Variants in RBMX2 observed in about 807,000 individuals in gnomAD.
RBMX2 encodes the protein RNA-binding motif protein, X-linked 2.
For synonymous variants in RBMX2, 77 were observed against 94.3 expected, an observed-to-expected ratio of 0.82 and a Z score of 1.07; for missense variants, 191 against 256.0, an observed-to-expected ratio of 0.75 and a Z score of 1.73.
chrX:130,404,176 A>AG (rs2034471928), intron 3 of RBMX2: 1 of 265,679 alleles, frequency 3.8e-6, no homozygotes, highest in Admixed American at 5.4e-5. Flanking sequence ...GGGGTAACCC[A>AG]TGGTCACAGG....
Position 130,411,514 on chromosome X carries a change from A to G in RBMX2, c.470A>G (p.Lys157Arg), listed in dbSNP as rs752078047. 17 of 1,191,526 alleles carry G rather than the reference A, an allele frequency of 1.4e-5. No individual in the cohort carries two copies. In the African/African-American group the frequency reaches 2.0e-4, roughly 14 times the overall value. The change falls in exon 5 of 6, where the codon AAG becomes AGG. Residue 157 changes from lysine to arginine, a missense_variant. Lys to Arg is a conservative substitution (Grantham distance 26). Transcript: ENST00000305536. ...ESSEDEKPTK[K>R]HKKDKKEKKK... ...TCTGAAGATGAAAAACCAACAAAAA[A>G]GCACAAAAAAGGTAAAGCATTAAGA...
intron 2 of RBMX2, 73 bp downstream of exon 2, chrX:130,402,443 C>T (rs1382937100): frequency 1.7e-6 from 2 of 1,149,604 alleles, no homozygotes; most frequent in Non-Finnish European, 2.3e-6. Flanking sequence ...TCGGCATTTT[C>T]ACCCTTCACT....
intron 1 of RBMX2, 26 bp from the exon 2 acceptor site, chrX:130,402,226 CCCT>C: frequency 6.0e-6 from 5 of 835,545 alleles, no homozygotes; most frequent in Non-Finnish European, 6.9e-6. Context: ...TTTCTGCCTA[CCCT>C]CCCCACCCCC....
rs996520324 is a variant in RBMX2, at chrX:130,413,553, A to T, written c.*705A>T. On this transcript the variant is annotated 3_prime_UTR_variant, in exon 6 of 6. Coordinates refer to ENST00000305536, the MANE Select transcript of RBMX2 (RefSeq NM_016024.4). ...TGAAACCCTGTAGCCATTAAACAAG[A>T]GCTCCCCGTTTCCTCCCTCCTCCCT... 2.7e-5 allele frequency among the ~76,000 whole-genome samples: 3 copies of T among 110,056 alleles called. No individual in the cohort carries two copies. The Admixed American group carries it at 2.9e-4, about 11-fold the overall frequency.
rs2034500112 is a variant in RBMX2 at position 130,409,171 on chromosome X, T to C, written c.174-86T>C. 6 of 859,373 alleles carry C rather than the reference T, an allele frequency of 7.0e-6. No individual in the cohort carries two copies. The South Asian group carries it at 1.8e-4, about 26-fold the overall frequency. 70.8% of individuals were successfully genotyped at this position (859,373 alleles called of 1,213,427 possible). A position where few individuals can be genotyped will look rare whatever the true frequency, so the allele number is the denominator to read the frequency against. On this transcript the variant is annotated intron_variant, in intron 3 of 5. Coordinates refer to ENST00000305536, the MANE Select transcript of RBMX2 (RefSeq NM_016024.4). ...CTAGATGCATCTCTTGTATACACTA[T>C]ATTATTTGAATTTTGTTTTATTACC...
At position 130,412,517 on chromosome X, in the gene RBMX2, C is replaced by T. The variant is rs1377634105; in HGVS notation, c.638C>T (p.Ala213Val). 8.3e-7 allele frequency: 1 copy of T among 1,206,739 alleles called. No homozygotes were observed. Among genetic ancestry groups the T allele is most frequent in the Non-Finnish European group, 1.1e-6 (1 of 894,383 alleles). Residue 213 changes from alanine (A) to valine (V), a missense_variant, in exon 6 of 6, where the codon GCT (alanine) becomes GTT (valine). By Grantham distance (64) the Ala-to-Val change is moderately conservative. Transcript: ENST00000305536. ...KKHSSKNSERAQKSEPREGQK... is the reference protein window; with the variant it reads ...KKHSSKNSERVQKSEPREGQK... ...CACAGCAGCAAGAACTCAGAGAGAGCTCAGAAGTCAGAGCCCAGGGAGGGG... is the reference window on the plus strand; with the variant it reads ...CACAGCAGCAAGAACTCAGAGAGAGTTCAGAAGTCAGAGCCCAGGGAGGGG...
At chrX:130,402,062 G>A (rs748110146) in intron 1 of RBMX2, 25 bp downstream of exon 1, 15 of 1,195,489 alleles carry the variant, frequency 1.3e-5, no homozygotes, top group African/African-American at 3.5e-5. Flanking sequence ...TCCTTTTGAG[G>A]AAGGAGCAGC....
At chrX:130,412,265 C>G in intron 5 of RBMX2, 96 bp from the exon 6 acceptor site, 1 of 1,015,013 alleles carries the variant, frequency 9.9e-7, no homozygotes, top group Non-Finnish European at 1.3e-6. Context: ...GTTGATGTAA[C>G]GTATTCAGAA....
chrX:130,402,114 G>A, intron 1 of RBMX2, 77 bp downstream of exon 1: 1 of 1,172,576 alleles, frequency 8.5e-7, no homozygotes, highest in Non-Finnish European at 1.1e-6. Flanking sequence ...GTGGTAGAGC[G>A]TCTGCGGGGC....
At position 130,401,994 on chromosome X, in the gene RBMX2, G is replaced by C; in HGVS notation, c.-39G>C. 1.7e-6 allele frequency: 2 copies of C among 1,181,975 alleles called. No homozygotes were observed. The highest frequency in any genetic ancestry group is 3.1e-5 in the East Asian group (1 of 32,717). On this transcript the variant is annotated 5_prime_UTR_variant, in exon 1 of 6. Transcript: ENST00000305536. ...GCGCATGCGCTGCGCTGCCTTTCCC[G>C]GGCGCTGATTCCTGAGTGCTGAGCG...
At chrX:130,409,153 C>T in intron 3 of RBMX2, 104 bp from the exon 4 acceptor site, 1 of 638,855 alleles carries the variant, frequency 1.6e-6, no homozygotes, top group Middle Eastern at 5.8e-4. Context: ...GTTCTAGATG[C>T]ATCTCTTGTA....
chrX:130,403,868 A>G lies in RBMX2; in HGVS notation c.173+15A>G, dbSNP rs370510901. 42 of 1,200,340 alleles carry G rather than the reference A, an allele frequency of 3.5e-5. No homozygotes were observed. The African/African-American group carries it at 6.5e-4, about 18-fold the overall frequency. On this transcript the variant is annotated intron_variant, in intron 3 of 5. Coordinates refer to ENST00000305536, the MANE Select transcript of RBMX2 (RefSeq NM_016024.4). ...GTGTTCTCACAGTAAGTGTCCTTTC[A>G]TTTCCTGCCTCCTGAGTCGACAGAG...
In RBMX2 at chrX:130,412,492, C is replaced by T; in HGVS notation, c.613C>T (p.His205Tyr). 1 of 1,207,068 alleles carries T rather than the reference C, an allele frequency of 8.3e-7. No homozygotes were observed. Among genetic ancestry groups the T allele is most frequent in the East Asian group, 3.0e-5 (1 of 33,680 alleles). Residue 205 changes from histidine (H) to tyrosine (Y), a missense_variant, in exon 6 of 6, where the codon CAC (histidine) becomes TAC (tyrosine). By Grantham distance (83) the His-to-Tyr change is moderately conservative (BLOSUM62 2). Transcript: ENST00000305536. ...AAAGGATGACACTGGCCCTAAGAAG[C>T]ACAGCAGCAAGAACTCAGAGAGAGC... ...KEKDDTGPKK[H>Y]SSKNSERAQK... is the part of the protein sequence containing the mutation.
intron 1 of RBMX2, 30 bp from the exon 2 acceptor site, chrX:130,402,225 A>AGCCAC: frequency 1.3e-5 from 13 of 984,756 alleles, no homozygotes; most frequent in African/African-American, 2.0e-5. Flanking sequence ...TTTTCTGCCT[A>AGCCAC]CCCTCCCCAC....
In RBMX2 at chrX:130,402,247, C is replaced by T. The variant is rs762018084; in HGVS notation, c.6-8C>T. 8.4e-7 allele frequency: 1 copy of T among 1,196,116 alleles called. No individual in the cohort carries two copies. Among genetic ancestry groups the T allele is most frequent in the Non-Finnish European group, 1.1e-6 (1 of 889,036 alleles). On this transcript the variant is annotated splice_region_variant and splice_polypyrimidine_tract_variant and intron_variant, in intron 1 of 5. Transcript: ENST00000305536. ...CCTACCCTCCCCACCCCCCCCGCCA[C>T]CGTGAAGCCCTTTAACTAAGGTGAA... is the stretch of plus-strand genomic sequence containing the variant.
At chrX:130,402,225 A>ACCCGCCCC in intron 1 of RBMX2, 30 bp from the exon 2 acceptor site, 3 of 984,785 alleles carry the variant, frequency 3.0e-6, no homozygotes, top group African/African-American at 2.0e-5. Context: ...TTTTCTGCCT[A>ACCCGCCCC]CCCTCCCCAC....
chrX:130,407,950 G>A (rs1356893247), intron 3 of RBMX2, among the ~76,000 whole-genome samples: 1 of 110,853 alleles, frequency 9.0e-6, no homozygotes, highest in Non-Finnish European at 1.9e-5. Flanking sequence ...GTGAGCCACC[G>A]TGCCTGATCT....
intron 3 of RBMX2, among the ~76,000 whole-genome samples, chrX:130,408,285 A>C (rs1413624812): frequency 8.9e-6 from 1 of 112,250 alleles, no homozygotes; most frequent in African/African-American, 3.2e-5. Context: ...GGCATGAGCC[A>C]CCATGCCGAG....
intron 2 of RBMX2, 22 bp downstream of exon 2, chrX:130,402,392 C>A (rs1296017311): frequency 1.7e-6 from 2 of 1,199,438 alleles, no homozygotes; most frequent in South Asian, 3.7e-5. Context: ...ATCTTTCTTC[C>A]TCAGTGCTCT....
Sources: gnomAD v4.1 joint callset for allele counts (sites outside exome capture counted in the v4.1 genomes callset) on GRCh38, gnomAD v4.1.1 for gene constraint, MANE v1.5 for transcripts, NCBI Gene and HGNC (gene_info 2026-07-23, HGNC 2026-07-21) for gene names.